The following RAPGEF1 variants were observed in gnomAD, a reference collection of about 807,000 sequenced individuals.
RAPGEF1 encodes the protein CRK SH3-binding GNRP.
A neutral mutation model predicts 143.3 loss-of-function variants in RAPGEF1; 33 were observed. That is an observed-to-expected ratio of 0.23 (90% CI 0.17 to 0.31). The LOEUF (loss-of-function observed/expected upper bound fraction) is 0.31, where lower values mean the gene tolerates loss of function less well. Among genes scored for constraint, RAPGEF1 ranks in the 10% least tolerant of loss-of-function variants. The pLI is 1.00. For synonymous variants in RAPGEF1, 629 were observed against 676.5 expected (o/e 0.93, Z 1.09); for missense variants, 1,199 against 1,645.4 (o/e 0.73, Z 4.69).
At position 131,578,835 on chromosome 9, in the gene RAPGEF1, A is replaced by T. The variant is rs1000028046; in HGVS notation, c.*662T>A. 2 of 152,578 alleles carry T rather than the reference A, an allele frequency of 1.3e-5. No individual in the cohort carries two copies. Among genetic ancestry groups the T allele is most frequent in the East Asian group, 1.9e-4 (1 of 5,206 alleles). 9.5% of individuals were successfully genotyped at this position (152,578 alleles called of 1,614,324 possible). ...GACTGCTGCTGCTCTCAGGCGGGCA[A>T]GGGAGGCCCTGATGGCGCCAGTACC... On this transcript the variant is annotated 3_prime_UTR_variant, in exon 27 of 27. Transcript: ENST00000683357.
At chr9:131,700,587 A>G (rs1834557555) in intron 1 of RAPGEF1, among the ~76,000 whole-genome samples, 1 of 152,244 alleles carries the variant, frequency 6.6e-6, no homozygotes, top group Admixed American at 6.5e-5. Flanking sequence ...TGAACATCCA[A>G]TCAATAAATG....
chr9:131,613,109 G>A (rs1229828900), intron 12 of RAPGEF1, among the ~76,000 whole-genome samples: 1 of 152,222 alleles, frequency 6.6e-6, no homozygotes, highest in Non-Finnish European at 1.5e-5. Flanking sequence ...TCCATGAAAT[G>A]CTGGTTGTGC....
chr9:131,651,705 A>G (rs1312237093), intron 1 of RAPGEF1, among the ~76,000 whole-genome samples: 2 of 152,246 alleles, frequency 1.3e-5, no homozygotes, highest in Non-Finnish European at 2.9e-5. Context: ...TACTACTAAG[A>G]AAGTGAACAA....
Position 131,675,813 on chromosome 9 carries a change from T to C in RAPGEF1, c.62-24864A>G, listed in dbSNP as rs1380711151. On this transcript the variant is annotated intron_variant, in intron 1 of 26. Coordinates refer to ENST00000683357, the MANE Select transcript of RAPGEF1 (RefSeq NM_001377935.1). This position sits in a 1 kb window ranked among gnomAD's most constrained non-coding sequence, Gnocchi z 4.6. ...CAGACATTAATTGCCATTTTGCAGATGAAGAAACTAAAGCTCAGAGAAAAG... is the reference window on the plus strand; with the variant it reads ...CAGACATTAATTGCCATTTTGCAGACGAAGAAACTAAAGCTCAGAGAAAAG... 6.6e-6 allele frequency among the ~76,000 whole-genome samples: 1 copy of C among 152,150 alleles called. No homozygotes were observed. Among genetic ancestry groups the C allele is most frequent in the African/African-American group, 2.4e-5 (1 of 41,428 alleles).
At chr9:131,656,477 T>C (rs1972507519) in intron 1 of RAPGEF1, among the ~76,000 whole-genome samples, 1 of 152,212 alleles carries the variant, frequency 6.6e-6, no homozygotes, top group Non-Finnish European at 1.5e-5. Context: ...CTAATCCATG[T>C]GACTTGTATC....
At chr9:131,653,546 A>G (rs1326509047) in intron 1 of RAPGEF1, among the ~76,000 whole-genome samples, 2 of 152,258 alleles carry the variant, frequency 1.3e-5, no homozygotes, top group Non-Finnish European at 2.9e-5. Flanking sequence ...GGCAATAAGC[A>G]CATGGAAAGA....
chr9:131,617,358 G>C lies in RAPGEF1; in HGVS notation c.2061+1693C>G, dbSNP rs150828378. The stretch of plus-strand genomic sequence containing the variant: ...GCATCTTCCCAGCATGAGTAGGGAT[G>C]CTGGGGGCTCTAAGGCGTGAGGCCT... On this transcript the variant is annotated intron_variant, in intron 12 of 26. Coordinates refer to ENST00000683357, the MANE Select transcript of RAPGEF1 (RefSeq NM_001377935.1). Among the ~76,000 whole-genome samples the C allele has an allele frequency of 4.2e-3, 635 of 152,380 alleles. 3 individuals carry two copies. The highest frequency in any genetic ancestry group is 0.01 in the Middle Eastern group (3 of 294).
chr9:131,682,977 G>A (rs1833043898), intron 1 of RAPGEF1, among the ~76,000 whole-genome samples: 1 of 152,084 alleles, frequency 6.6e-6, no homozygotes, highest in African/African-American at 2.4e-5. Flanking sequence ...GACGACCTGG[G>A]GCTATTCAAC....
At chr9:131,721,566 C>A (rs989814685) in intron 1 of RAPGEF1, among the ~76,000 whole-genome samples, 2 of 152,160 alleles carry the variant, frequency 1.3e-5, no homozygotes, top group African/African-American at 4.8e-5. Context: ...CTATTGCCAC[C>A]AACTGTATGG....
chr9:131,617,204 A>C (rs1959139783), intron 12 of RAPGEF1, among the ~76,000 whole-genome samples: 1 of 152,258 alleles, frequency 6.6e-6, no homozygotes, highest in Non-Finnish European at 1.5e-5. Flanking sequence ...ACAAAAACAA[A>C]AATCTAGCTC....
intron 4 of RAPGEF1, among the ~76,000 whole-genome samples, chr9:131,640,296 C>CT (rs1352579858): frequency 2.6e-5 from 4 of 152,208 alleles, no homozygotes; most frequent in African/African-American, 9.6e-5. Context: ...CCCTGATGTG[C>CT]TGTAGGAGGA....
rs759332670 is a variant in RAPGEF1 at position 131,643,434 on chromosome 9, G to C, written c.316-17C>G. 2 of 1,604,202 alleles carry C rather than the reference G, an allele frequency of 1.2e-6. No individual in the cohort carries two copies. The highest frequency in any genetic ancestry group is 1.7e-5 in the Admixed American group (1 of 58,106). ...GCTCAGGTTCTGAAAGGAGACGTTA[G>C]GCATAAGGAGGAGGAGAGAGATTAA... On this transcript the variant is annotated splice_polypyrimidine_tract_variant and intron_variant, in intron 3 of 26. Coordinates refer to ENST00000683357, the MANE Select transcript of RAPGEF1 (RefSeq NM_001377935.1).
chr9:131,591,911 C>G (rs913250501), intron 18 of RAPGEF1, among the ~76,000 whole-genome samples, 188 bp downstream of exon 18: 44 of 152,222 alleles, frequency 2.9e-4, no homozygotes, highest in African/African-American at 1.0e-3. Flanking sequence ...CTTGCCTGAG[C>G]TCAAAGCTGG....
intron 17 of RAPGEF1, among the ~76,000 whole-genome samples, chr9:131,594,174 C>T (rs1954842227): frequency 1.3e-5 from 2 of 152,232 alleles, no homozygotes; most frequent in South Asian, 2.1e-4. Context: ...CAGCGCCTGG[C>T]TTCTGGGACG....
At chr9:131,647,721 T>C (rs1230852815) in intron 3 of RAPGEF1, among the ~76,000 whole-genome samples, 1 of 152,210 alleles carries the variant, frequency 6.6e-6, no homozygotes, top group Non-Finnish European at 1.5e-5. Flanking sequence ...CGCAGGTGGC[T>C]TGGGACAGAA....
At chr9:131,676,546 C>T (rs1023579437) in intron 1 of RAPGEF1, among the ~76,000 whole-genome samples, 1 of 152,224 alleles carries the variant, frequency 6.6e-6, no homozygotes, top group African/African-American at 2.4e-5. Context: ...GCTGGTGCAG[C>T]TAACACATAC....
intron 1 of RAPGEF1, among the ~76,000 whole-genome samples, chr9:131,719,440 T>G (rs1836096264): frequency 1.3e-5 from 2 of 152,140 alleles, no homozygotes; most frequent in Admixed American, 6.6e-5. Flanking sequence ...GATGTCTTTT[T>G]GGGGCTATTA....
intron 3 of RAPGEF1, among the ~76,000 whole-genome samples, chr9:131,647,091 G>A (rs1331236806): frequency 6.6e-6 from 1 of 152,160 alleles, no homozygotes. Context: ...CCAGTATATG[G>A]CTAAATTTCC....
At chr9:131,673,959 T>C (rs578218867) in intron 1 of RAPGEF1, among the ~76,000 whole-genome samples, 95 of 152,322 alleles carry the variant, frequency 6.2e-4, no homozygotes, top group African/African-American at 1.9e-3. Context: ...GGAGAGCTAG[T>C]AGACGTTTTT....
Sources: gnomAD v4.1 joint callset for allele counts (sites outside exome capture counted in the v4.1 genomes callset) on GRCh38, gnomAD v4.1.1 for gene constraint, Gnocchi (gnomAD v3.1) non-coding constraint, MANE v1.5 for transcripts, NCBI Gene and HGNC (gene_info 2026-07-23, HGNC 2026-07-21) for gene names.